CADM2: variants seen among roughly 807,000 people sequenced by gnomAD.
CADM2 encodes immunoglobulin superfamily member 4D.
Under a neutral mutation model 49.8 loss-of-function variants are expected in CADM2, and 12 were observed. The ratio of observed to expected loss-of-function variants is 0.24; its 90% confidence interval spans 0.15 to 0.39. The LOEUF (loss-of-function observed/expected upper bound fraction) is 0.39, where lower values mean the gene tolerates loss of function less well. Ranked by LOEUF, CADM2 falls within the 10% of genes least tolerant of loss-of-function variation. The pLI, the probability that CADM2 is intolerant of heterozygous loss-of-function variation, is 1.00. For missense variants in CADM2, 378 were observed against 492.3 expected (o/e 0.77, Z 2.20); for synonymous variants, 214 against 175.4 (o/e 1.22, Z -1.74).
chr3:85,023,172 G>A (rs1286049619), intron 1 of CADM2, among the ~76,000 whole-genome samples: 3 of 152,026 alleles, frequency 2.0e-5, no homozygotes, highest in Non-Finnish European at 4.4e-5. Flanking sequence ...TTAGAAAAAA[G>A]ACATGCCAAA....
intron 1 of CADM2, among the ~76,000 whole-genome samples, chr3:85,448,145 T>C (rs1408441491): frequency 6.6e-6 from 1 of 151,588 alleles, no homozygotes; most frequent in Non-Finnish European, 1.5e-5. Flanking sequence ...TCCTGGCTAA[T>C]ACCGTGAAAC....
intron 1 of CADM2, among the ~76,000 whole-genome samples, chr3:85,139,949 G>A: frequency 6.6e-6 from 1 of 152,130 alleles, no homozygotes. Context: ...ATTCAGAAAA[G>A]AGAGAAGACA....
chr3:85,527,080 T>C (rs1341232579), intron 1 of CADM2, among the ~76,000 whole-genome samples: 1 of 152,134 alleles, frequency 6.6e-6, no homozygotes, highest in Non-Finnish European at 1.5e-5. Flanking sequence ...TTTTGTGTGC[T>C]AATTATATCT....
intron 1 of CADM2, among the ~76,000 whole-genome samples, chr3:85,267,555 A>G (rs1472865443): frequency 6.6e-6 from 1 of 151,430 alleles, no homozygotes; most frequent in African/African-American, 2.4e-5. Flanking sequence ...TTACTTATTT[A>G]TTTTACTTAT....
chr3:85,708,847 G>A (rs1382492965), intron 1 of CADM2, among the ~76,000 whole-genome samples: 14 of 152,046 alleles, frequency 9.2e-5, no homozygotes, highest in Non-Finnish European at 1.8e-4. Context: ...AAGGTTGCAC[G>A]TGGAAGAATA....
intron 8 of CADM2, among the ~76,000 whole-genome samples, chr3:86,007,273 T>C (rs1730916078): frequency 1.3e-5 from 2 of 152,086 alleles, no homozygotes; most frequent in African/African-American, 4.8e-5. Flanking sequence ...TGATAAGGCT[T>C]ATTAAAATAC....
intron 1 of CADM2, among the ~76,000 whole-genome samples, chr3:85,322,225 T>A (rs1333198171): frequency 6.6e-6 from 1 of 152,204 alleles, no homozygotes; most frequent in Non-Finnish European, 1.5e-5. Flanking sequence ...TAATAAGAAA[T>A]CACTCATATA....
chr3:85,089,407 A>G (rs1208157996), intron 1 of CADM2, among the ~76,000 whole-genome samples: 2 of 152,092 alleles, frequency 1.3e-5, no homozygotes, highest in South Asian at 2.1e-4. Context: ...AACTTGATAC[A>G]ATGCCTCATT....
chr3:85,682,109 A>G (rs953867909), intron 1 of CADM2, among the ~76,000 whole-genome samples: 1 of 152,122 alleles, frequency 6.6e-6, no homozygotes, highest in Admixed American at 6.5e-5. Flanking sequence ...TTTATTACCT[A>G]AAGCTCAGCT....
At chr3:85,558,688 T>A (rs1358916014) in intron 1 of CADM2, among the ~76,000 whole-genome samples, 2 of 152,088 alleles carry the variant, frequency 1.3e-5, no homozygotes, top group Non-Finnish European at 2.9e-5. Context: ...TCAATATTTC[T>A]TCTCCTTTTC....
chr3:85,458,157 T>A (rs1032635763), intron 1 of CADM2, among the ~76,000 whole-genome samples: 1 of 152,192 alleles, frequency 6.6e-6, no homozygotes, highest in African/African-American at 2.4e-5. Context: ...TGGCACAGAT[T>A]TTCTGCTTTG....
chr3:85,171,712 T>TCA (rs2040632804), intron 1 of CADM2, among the ~76,000 whole-genome samples: 1 of 152,222 alleles, frequency 6.6e-6, no homozygotes, highest in Non-Finnish European at 1.5e-5. Flanking sequence ...TAAATAATTT[T>TCA]GTATGTACAG....
In CADM2 at chr3:86,072,125, A is replaced by T. The variant is rs1441171369; in HGVS notation, c.*5342A>T. 6.6e-6 allele frequency: 1 copy of T among 151,960 alleles called. No individual in the cohort carries two copies. Among genetic ancestry groups the T allele is most frequent in the Non-Finnish European group, 1.5e-5 (1 of 67,906 alleles). 9.4% of individuals were successfully genotyped at this position (151,960 alleles called of 1,614,324 possible). A position where few individuals can be genotyped will look rare whatever the true frequency, so the allele number is the denominator to read the frequency against. ...AATTTTTCAATGATGTAATTTAATT[A>T]TCCTAAAAGAAATGACAGATTCTTC... On this transcript the variant is annotated 3_prime_UTR_variant, in exon 10 of 10. Transcript: ENST00000383699.
chr3:85,763,035 G>A (rs904297223), intron 2 of CADM2, among the ~76,000 whole-genome samples: 9 of 151,924 alleles, frequency 5.9e-5, no homozygotes, highest in African/African-American at 2.2e-4. Flanking sequence ...CACATTCCTG[G>A]ACATTATTGA....
rs73130317 is a variant in CADM2 at position 85,527,139 on chromosome 3, A to T, written c.62-199383A>T. On this transcript the variant is annotated intron_variant, in intron 1 of 9. Transcript: ENST00000383699. ...GGTGTCTTACACCTGTAATCACAGC[A>T]CCGTGGGATGCCAGGAAAGTAGGAT... Among the ~76,000 whole-genome samples the T allele has an allele frequency of 5.9e-3, 893 of 152,192 alleles. 4 individuals are homozygous for T. The highest frequency in any genetic ancestry group is 8.5e-3 in the Non-Finnish European group (575 of 67,996).
At chr3:85,764,872 G>A (rs376857693) in intron 2 of CADM2, among the ~76,000 whole-genome samples, 2 of 152,024 alleles carry the variant, frequency 1.3e-5, no homozygotes, top group African/African-American at 4.8e-5. Context: ...ATTTATAAAT[G>A]GATAAACCAA....
chr3:85,727,410 T>G (rs2067747344), intron 2 of CADM2, among the ~76,000 whole-genome samples: 1 of 152,146 alleles, frequency 6.6e-6, no homozygotes, highest in African/African-American at 2.4e-5. Context: ...AGCAATGTAT[T>G]TGCTTATAGA....
intron 1 of CADM2, among the ~76,000 whole-genome samples, chr3:85,725,781 T>C (rs1191440351): frequency 6.6e-6 from 1 of 152,046 alleles, no homozygotes; most frequent in East Asian, 1.9e-4. Context: ...GTCAACCAAG[T>C]ACCAAAATTG....
At chr3:86,012,040 A>C (rs942551849) in intron 8 of CADM2, among the ~76,000 whole-genome samples, 2 of 152,058 alleles carry the variant, frequency 1.3e-5, no homozygotes, top group Non-Finnish European at 2.9e-5. Context: ...ATATTATCTT[A>C]TATAAATATA....
Sources: gnomAD v4.1 joint callset for allele counts (sites outside exome capture counted in the v4.1 genomes callset) on GRCh38, gnomAD v4.1.1 for gene constraint, MANE v1.5 for transcripts, NCBI Gene and HGNC (gene_info 2026-07-23, HGNC 2026-07-21) for gene names.